Variants in IQANK1 observed in about 807,000 individuals in gnomAD.
IQANK1 encodes IQ motif and ankyrin repeat containing 1.
In IQANK1, 30 loss-of-function variants were observed where a neutral mutation model predicts 22.6. That is an observed-to-expected ratio of 1.33 (90% confidence interval 0.99 to 1.80). IQANK1 has a LOEUF of 1.80. IQANK1 is among the 40% of genes most tolerant of loss of function. The pLI is 0.00. For synonymous variants in IQANK1, 122 were observed against 99.6 expected (o/e 1.23, Z -1.34); for missense variants, 275 against 235.2 (o/e 1.17, Z -1.11).
At chr8:143,748,357 G>A (rs185150215) in intron 3 of IQANK1, among the ~76,000 whole-genome samples, 5 of 150,040 alleles carry the variant, frequency 3.3e-5, no homozygotes, top group East Asian at 3.9e-4. Flanking sequence ...ATATGGGGGC[G>A]GGTATTATCT....
chr8:143,764,800 T>C (rs914124961), intron 3 of IQANK1, among the ~76,000 whole-genome samples: 1 of 152,200 alleles, frequency 6.6e-6, no homozygotes, highest in Non-Finnish European at 1.5e-5. Context: ...AAATGTTAAA[T>C]TTAACAAATG....
At chr8:143,784,855 C>T (rs188794840) in intron 7 of IQANK1, among the ~76,000 whole-genome samples, 94 of 152,292 alleles carry the variant, frequency 6.2e-4, no homozygotes, top group African/African-American at 2.1e-3. Context: ...GGTGGAAGGA[C>T]GGACATGTTT....
intron 2 of IQANK1, chr8:143,739,644 G>T: frequency 2.3e-6 from 1 of 442,468 alleles, no homozygotes; most frequent in Non-Finnish European, 4.0e-6. Context: ...TCTCGCCTGT[G>T]CCTCCCTGAG....
At position 143,735,687 on chromosome 8, in the gene IQANK1, C is replaced by T. The variant is rs1488583734; in HGVS notation, c.-4-163C>T. Among the ~76,000 whole-genome samples, 1 of 151,940 alleles carries T rather than the reference C, an allele frequency of 6.6e-6. No homozygotes were observed. Among genetic ancestry groups the T allele is most frequent in the Non-Finnish European group, 1.5e-5 (1 of 67,962 alleles). The stretch of plus-strand genomic sequence containing the variant: ...CAAGCTTCTGGGCACACACCCGGGG[C>T]GGGCAGGCAGACAGGACACCAGCTG... On this transcript the variant is annotated intron_variant, in intron 1 of 13. Coordinates refer to ENST00000527139, the MANE Select transcript of IQANK1 (RefSeq NM_001381874.1). This position sits in a 1 kb window ranked among gnomAD's most constrained non-coding sequence, Gnocchi z 5.2.
intron 3 of IQANK1, among the ~76,000 whole-genome samples, chr8:143,765,567 T>C (rs1255026645): frequency 6.6e-6 from 1 of 152,222 alleles, no homozygotes; most frequent in Non-Finnish European, 1.5e-5. Context: ...TCTCTGCCCA[T>C]TGCTCTATGG....
rs1477198384 is a variant in IQANK1 at position 143,748,693 on chromosome 8, C to G, written c.175+8745C>G. ...ATATATAAATATATATCATATATAT[C>G]ATATATAAATATATAAATATATATC... On this transcript the variant is annotated intron_variant, in intron 3 of 13. Transcript: ENST00000527139. Among the ~76,000 whole-genome samples, 4 of 109,580 alleles carry G rather than the reference C, an allele frequency of 3.7e-5. No individual in the cohort carries two copies. In the East Asian group the frequency reaches 9.9e-4, roughly 27 times the overall value. The allele number at this position is 109,580 out of a possible 152,430, so 71.9% of individuals were successfully genotyped here. A position where few individuals can be genotyped will look rare whatever the true frequency, so the allele number is the denominator to read the frequency against.
chr8:143,768,518 G>C (rs973437297), intron 3 of IQANK1, among the ~76,000 whole-genome samples: 8 of 152,120 alleles, frequency 5.3e-5, no homozygotes, highest in African/African-American at 1.9e-4. Flanking sequence ...GCGGACATAC[G>C]TCGGTGGCTG....
At position 143,778,747 on chromosome 8, in the gene IQANK1, ATTATC is replaced by A. The variant is rs201668785; in HGVS notation, c.789+6270_789+6274del. Among the ~76,000 whole-genome samples, 180 of 152,244 alleles carry A rather than the reference ATTATC, an allele frequency of 1.2e-3. 1 individual carries two copies. The East Asian group carries it at 0.029, about 24-fold the overall frequency. Reference sequence around the variant, plus strand: ...TGGTTTGCGCTTTCGCCAATTCATAATTATCTTATTAACTTGAGTCATTTATTTAT... The same window carrying A: ...TGGTTTGCGCTTTCGCCAATTCATAATTATTAACTTGAGTCATTTATTTAT... On this transcript the variant is annotated intron_variant, in intron 7 of 13. Transcript: ENST00000527139.
intron 3 of IQANK1, chr8:143,742,049 CTG>C (rs782163396): frequency 1.7e-5 from 5 of 299,012 alleles, no homozygotes; most frequent in South Asian, 1.6e-4. Flanking sequence ...ACGAGCCTGT[CTG>C]TGCCCTCGCT....
At chr8:143,767,316 G>A (rs1294404449) in intron 3 of IQANK1, among the ~76,000 whole-genome samples, 4 of 152,124 alleles carry the variant, frequency 2.6e-5, no homozygotes, top group Non-Finnish European at 1.5e-5. Flanking sequence ...TTTCTGTTTT[G>A]TCTTAGTGCT....
intron 3 of IQANK1, among the ~76,000 whole-genome samples, chr8:143,752,710 A>G (rs1012810161): frequency 1.3e-5 from 2 of 152,222 alleles, no homozygotes; most frequent in African/African-American, 2.4e-5. Flanking sequence ...TAAGTATTAA[A>G]TACAGTAACA....
intron 3 of IQANK1, among the ~76,000 whole-genome samples, chr8:143,756,247 A>G (rs1186114169): frequency 1.3e-5 from 2 of 152,192 alleles, no homozygotes; most frequent in African/African-American, 4.8e-5. Flanking sequence ...CTTAGTCCCG[A>G]CAAAGTGGAC....
chr8:143,747,150 A>G (rs1174039269), intron 3 of IQANK1, among the ~76,000 whole-genome samples: 1 of 152,222 alleles, frequency 6.6e-6, no homozygotes, highest in Non-Finnish European at 1.5e-5. Context: ...AAGTGTTGGG[A>G]TTACAGGAGT....
At chr8:143,775,509 C>T (rs1554630283) in intron 7 of IQANK1, among the ~76,000 whole-genome samples, 1 of 151,934 alleles carries the variant, frequency 6.6e-6, no homozygotes, top group Non-Finnish European at 1.5e-5. Context: ...ACCTGTCATC[C>T]CAGCACTGTG....
At chr8:143,767,289 T>C (rs1318983744) in intron 3 of IQANK1, among the ~76,000 whole-genome samples, 1 of 152,194 alleles carries the variant, frequency 6.6e-6, no homozygotes, top group African/African-American at 2.4e-5. Context: ...ATGAATATGG[T>C]ATATCTCTCC....
At chr8:143,742,317 T>G (rs556268176) in intron 3 of IQANK1, 1 of 448,728 alleles carries the variant, frequency 2.2e-6, no homozygotes, top group Non-Finnish European at 4.5e-6. Context: ...GGGCTTCCCT[T>G]GCTGCTGCCC....
chr8:143,789,486 G>T lies in IQANK1; in HGVS notation c.1044G>T (p.Gln348His). ...ELSRRISEHD[Q>H]CEWRCMDKTK... The stretch of plus-strand genomic sequence containing the variant: ...GCCGGAGGATCTCAGAGCACGACCA[G>T]TGTGAGTGGAGGTGCATGGACAAGA... Residue 348 changes from glutamine to histidine, a missense_variant, in exon 10 of 14, where the codon CAG becomes CAT. Transcript: ENST00000527139. 8.1e-7 allele frequency: 1 copy of T among 1,232,344 alleles called. No homozygotes were observed. Among genetic ancestry groups the T allele is most frequent in the Non-Finnish European group, 1.0e-6 (1 of 988,212 alleles). 76.3% of individuals were successfully genotyped at this position (1,232,344 alleles called of 1,614,324 possible). A position where few individuals can be genotyped will look rare whatever the true frequency, so the allele number is the denominator to read the frequency against.
intron 7 of IQANK1, among the ~76,000 whole-genome samples, chr8:143,786,177 A>G (rs1554631334): frequency 6.6e-6 from 1 of 152,114 alleles, no homozygotes; most frequent in African/African-American, 2.4e-5. Context: ...CATACGTTTT[A>G]CTGGTAGGAA....
chr8:143,759,195 C>T (rs1264545808), intron 3 of IQANK1: 7 of 240,580 alleles, frequency 2.9e-5, no homozygotes, highest in Non-Finnish European at 4.2e-5. Flanking sequence ...GCAGCCGTCA[C>T]AGCAGCACTG....
Sources: allele counts gnomAD v4.1 joint callset (sites outside exome capture counted in the v4.1 genomes callset), GRCh38; gene constraint gnomAD v4.1.1; non-coding constraint Gnocchi (gnomAD v3.1); transcripts MANE v1.5; gene names NCBI Gene and HGNC (gene_info 2026-07-23, HGNC 2026-07-21).